Variants in EYS observed in about 807,000 individuals in gnomAD.
EYS encodes the protein protein eyes shut homolog.
EYS carries 250 observed loss-of-function variants against 282.1 expected under a neutral mutation model. The ratio of observed to expected loss-of-function variants is 0.89; its 90% confidence interval spans 0.80 to 0.98. The LOEUF (loss-of-function observed/expected upper bound fraction) is 0.98, where lower values mean the gene tolerates loss of function less well. Among genes scored for constraint, EYS ranks in the 50% least tolerant of loss-of-function variants. The pLI, the probability that EYS is intolerant of heterozygous loss-of-function variation, is 0.00. For synonymous variants in EYS, 1,355 were observed against 1,282.9 expected, an observed-to-expected ratio of 1.06 and a Z score of -1.20; for missense variants, 4,016 against 3,709.0, an observed-to-expected ratio of 1.08 and a Z score of -2.15.
chr6:65,576,538 T>A (rs1231155078), intron 2 of EYS, among the ~76,000 whole-genome samples: 1 of 151,864 alleles, frequency 6.6e-6, no homozygotes, highest in Non-Finnish European at 1.5e-5. Context: ...ATGCCCACTC[T>A]CCCCATTTTA....
chr6:64,663,283 T>A (rs776778721), intron 22 of EYS, among the ~76,000 whole-genome samples: 5 of 152,194 alleles, frequency 3.3e-5, no homozygotes, highest in Non-Finnish European at 7.3e-5. Flanking sequence ...ATTGCTCAGT[T>A]TTTATTCTCA....
In EYS at chr6:65,384,833, T is replaced by G. The variant is rs562515504; in HGVS notation, c.1185-333A>C. On this transcript the variant is annotated intron_variant, in intron 7 of 42. Transcript: ENST00000503581. ...GAAAAAACATGACAAATGTGATTTT[T>G]TAATGTTTAGTAGAGCCAGTATATA... 2.0e-5 allele frequency among the ~76,000 whole-genome samples: 3 copies of G among 151,988 alleles called. No individual in the cohort carries two copies. In the South Asian group the frequency reaches 6.2e-4, roughly 31 times the overall value.
intron 9 of EYS, among the ~76,000 whole-genome samples, chr6:65,352,939 C>A (rs1288098854): frequency 6.6e-6 from 1 of 151,876 alleles, no homozygotes; most frequent in Non-Finnish European, 1.5e-5. Flanking sequence ...ATTCCCTCAA[C>A]CCAGAATTCT....
intron 12 of EYS, among the ~76,000 whole-genome samples, chr6:65,102,405 T>A (rs7755264): frequency 0.038 from 5,733 of 151,388 alleles, 368 homozygotes; most frequent in African/African-American, 0.13. Context: ...AGCAATTTTA[T>A]TGTAGTACAA....
chr6:64,806,817 G>GA lies in EYS; in HGVS notation c.3443+6560dup, dbSNP rs58413511. Among the ~76,000 whole-genome samples, 488 of 147,794 alleles carry GA rather than the reference G, an allele frequency of 3.3e-3. 4 individuals are homozygous for GA. Among genetic ancestry groups the GA allele is most frequent in the African/African-American group, 0.011 (430 of 40,530 alleles). ...TAAGGCAAAGGCAGAGAGCACTATG[G>GA]AAAAAAAAAATGCCTGGAACAGGGT... On this transcript the variant is annotated intron_variant, in intron 22 of 42. Coordinates refer to ENST00000503581, the MANE Select transcript of EYS (RefSeq NM_001142800.2).
intron 2 of EYS, among the ~76,000 whole-genome samples, chr6:65,533,285 A>G (rs1490491398): frequency 6.6e-6 from 1 of 152,116 alleles, no homozygotes. Flanking sequence ...TAAATCAGGA[A>G]GAAGTTGAAT....
At chr6:63,760,669 TATC>T (rs1562013395) in intron 41 of EYS, among the ~76,000 whole-genome samples, 2 of 149,616 alleles carry the variant, frequency 1.3e-5, no homozygotes, top group African/African-American at 2.5e-5. Flanking sequence ...TCTATCTATC[TATC>T]TATCTATCTA....
At chr6:65,672,120 C>T (rs1164206044) in intron 1 of EYS, among the ~76,000 whole-genome samples, 1 of 152,046 alleles carries the variant, frequency 6.6e-6, no homozygotes, top group African/African-American at 2.4e-5. Flanking sequence ...GTATAGCAGA[C>T]AGAAGCTGAT....
intron 14 of EYS, among the ~76,000 whole-genome samples, chr6:64,965,273 T>C (rs1055803839): frequency 1.3e-5 from 2 of 152,078 alleles, no homozygotes; most frequent in Admixed American, 1.3e-4. Context: ...GCTTGAATGC[T>C]TGTCTGAAAA....
intron 31 of EYS, among the ~76,000 whole-genome samples, chr6:64,104,426 C>G (rs1268171055): frequency 6.6e-6 from 1 of 152,012 alleles, no homozygotes; most frequent in Non-Finnish European, 1.5e-5. Flanking sequence ...AAGCACATAA[C>G]TGTTTAGCAA....
rs141086810 is a variant in EYS at position 64,423,936 on chromosome 6, A to G, written c.5927+12238T>C. 2.8e-3 allele frequency among the ~76,000 whole-genome samples: 423 copies of G among 152,302 alleles called. 3 individuals are homozygous for G. Among genetic ancestry groups the G allele is most frequent in the African/African-American group, 8.9e-3 (369 of 41,576 alleles). On this transcript the variant is annotated intron_variant, in intron 28 of 42. Transcript: ENST00000503581. Reference sequence around the variant, plus strand: ...AATATGAACACAATCACTTTTGATTATTTTAAATGCTAACATTTCTTGGAA... The same window carrying G: ...AATATGAACACAATCACTTTTGATTGTTTTAAATGCTAACATTTCTTGGAA...
At chr6:64,577,415 T>C (rs919748277) in intron 26 of EYS, among the ~76,000 whole-genome samples, 4 of 152,146 alleles carry the variant, frequency 2.6e-5, no homozygotes, top group African/African-American at 9.6e-5. Flanking sequence ...ACCTCTGCTC[T>C]CTCTCTCAAT....
Position 64,782,577 on chromosome 6 carries a change from T to TA in EYS, c.3443+30800dup, listed in dbSNP as rs1464604157. The stretch of plus-strand genomic sequence containing the variant: ...AAGCTAGGATAAGTGCATTCCACAT[T>TA]AAAAAACTGTTCTCTTTAAAAAACT... On this transcript the variant is annotated intron_variant, in intron 22 of 42. Coordinates refer to ENST00000503581, the MANE Select transcript of EYS (RefSeq NM_001142800.2). Among the ~76,000 whole-genome samples the TA allele has an allele frequency of 1.3e-4, 20 of 152,328 alleles. No individual in the cohort carries two copies. In the East Asian group the frequency reaches 3.5e-3, roughly 26 times the overall value.
chr6:65,120,358 C>T (rs1775499784), intron 12 of EYS, among the ~76,000 whole-genome samples: 1 of 150,198 alleles, frequency 6.7e-6, no homozygotes, highest in African/African-American at 2.5e-5. Flanking sequence ...TCCTCTGCGG[C>T]CTTCTTAAGG....
At chr6:64,052,053 C>T (rs901794447) in intron 33 of EYS, among the ~76,000 whole-genome samples, 1 of 152,062 alleles carries the variant, frequency 6.6e-6, no homozygotes, top group Non-Finnish European at 1.5e-5. Flanking sequence ...GGGGATTGAA[C>T]TACATTATTG....
At chr6:64,799,431 A>T (rs1269820784) in intron 22 of EYS, among the ~76,000 whole-genome samples, 16 of 151,822 alleles carry the variant, frequency 1.1e-4, no homozygotes, top group Admixed American at 1.1e-3. Flanking sequence ...TTGTTCTTAT[A>T]TACTCTATTC....
chr6:65,197,589 G>T (rs925943293), intron 12 of EYS, among the ~76,000 whole-genome samples: 4 of 152,006 alleles, frequency 2.6e-5, no homozygotes, highest in African/African-American at 9.7e-5. Context: ...TTAACAAGGG[G>T]GTATGTTCTG....
At chr6:64,167,983 C>A (rs1764347458) in intron 31 of EYS, among the ~76,000 whole-genome samples, 1 of 152,194 alleles carries the variant, frequency 6.6e-6, no homozygotes, top group Non-Finnish European at 1.5e-5. Flanking sequence ...AGACAATAGG[C>A]CAGGCGCAGT....
At chr6:64,001,388 T>C (rs1301374150) in intron 33 of EYS, among the ~76,000 whole-genome samples, 2 of 152,226 alleles carry the variant, frequency 1.3e-5, no homozygotes, top group African/African-American at 4.8e-5. Context: ...TTGCTCATAA[T>C]GGAATTCAAA....
Sources: gnomAD v4.1 joint callset for allele counts (sites outside exome capture counted in the v4.1 genomes callset) on GRCh38, gnomAD v4.1.1 for gene constraint, MANE v1.5 for transcripts, NCBI Gene and HGNC (gene_info 2026-07-23, HGNC 2026-07-21) for gene names.